IL17RC: variants seen among roughly 807,000 people sequenced by gnomAD.
IL17RC encodes the protein interleukin 17 receptor C.
A neutral mutation model predicts 86.7 loss-of-function variants in IL17RC; 53 were observed. The observed-to-expected ratio is 0.61, with a 90% CI of 0.49 to 0.77. The LOEUF is 0.77. Ranked by LOEUF, IL17RC falls within the 30% of genes least tolerant of loss-of-function variation. IL17RC has a pLI of 0.00. For synonymous variants in IL17RC, 439 were observed against 413.1 expected (o/e 1.06, Z -0.76); for missense variants, 957 against 940.0 (o/e 1.02, Z -0.24).
At chr3:9,924,368 T>C in intron 9 of IL17RC, 77 bp downstream of exon 9, 1 of 1,426,866 alleles carries the variant, frequency 7.0e-7, no homozygotes, top group Non-Finnish European at 9.8e-7. Context: ...CTTCCTGGTC[T>C]CACCATTCTT....
At position 9,917,122 on chromosome 3, in the gene IL17RC, A is replaced by G; in HGVS notation, c.-194A>G. 1.7e-6 allele frequency: 1 copy of G among 585,386 alleles called. No individual in the cohort carries two copies. Among genetic ancestry groups the G allele is most frequent in the Non-Finnish European group, 3.0e-6 (1 of 328,990 alleles). The allele number at this position is 585,386 out of a possible 1,614,324, so 36.3% of individuals were successfully genotyped here. A position where few individuals can be genotyped will look rare whatever the true frequency, so the allele number is the denominator to read the frequency against. On this transcript the variant is annotated 5_prime_UTR_variant, in exon 1 of 19. Transcript: ENST00000403601. ...CAAAACGAAAGCACTCCGTGCTGGA[A>G]GTAGGAGGAGAGTCAGGACTCCCAG... is the stretch of plus-strand genomic sequence containing the variant.
intron 12 of IL17RC, chr3:9,929,283 C>T (rs553717467): frequency 5.8e-5 from 9 of 154,888 alleles, no homozygotes; most frequent in African/African-American, 2.2e-4. Context: ...CACTGCACTC[C>T]AGCCTGGGTG....
intron 3 of IL17RC, 55 bp downstream of exon 3, chr3:9,918,130 G>A (rs1269497259): frequency 2.0e-6 from 3 of 1,527,578 alleles, no homozygotes; most frequent in Non-Finnish European, 2.7e-6. Context: ...GTCTGGGGTG[G>A]GCATGAGGGC....
In IL17RC at chr3:9,930,633, C is replaced by G; in HGVS notation, c.1338+174C>G. The stretch of plus-strand genomic sequence containing the variant: ...ACACTGTTGGCTAGACACCCATAAA[C>G]AGATAACCACACCTACAGGTGCTAA... On this transcript the variant is annotated intron_variant, in intron 15 of 18. Transcript: ENST00000403601. This position sits in a 1 kb window ranked among gnomAD's most constrained non-coding sequence, Gnocchi z 5.8. 1 of 702,876 alleles carries G rather than the reference C, an allele frequency of 1.4e-6. No individual in the cohort carries two copies. Among genetic ancestry groups the G allele is most frequent in the East Asian group, 2.7e-5 (1 of 36,884 alleles). 43.5% of individuals were successfully genotyped at this position (702,876 alleles called of 1,614,324 possible).
In IL17RC at chr3:9,924,004, G is replaced by T; in HGVS notation, c.746G>T (p.Arg249Leu). 6.2e-7 allele frequency: 1 copy of T among 1,613,816 alleles called. No individual in the cohort carries two copies. The highest frequency in any genetic ancestry group is 8.5e-7 in the Non-Finnish European group (1 of 1,180,004). The stretch of plus-strand genomic sequence containing the variant: ...CAGGTCCAGGGCCCCCCAAAACCCC[G>T]GTGGCACAAAAACCTGGTGAGGCCT... Reference protein sequence around the residue: ...WNQVQGPPKPRWHKNLTGPQI... With the variant: ...WNQVQGPPKPLWHKNLTGPQI... The change falls in exon 8 of 19, where the codon CGG becomes CTG. Residue 249 changes from arginine (R) to leucine (L), a missense_variant. Transcript: ENST00000403601.
intron 16 of IL17RC, 27 bp from the exon 17 acceptor site, chr3:9,932,581 C>T (rs948908573): frequency 1.9e-6 from 3 of 1,603,268 alleles, no homozygotes; most frequent in Non-Finnish European, 2.6e-6. Context: ...GGGTAAGTTT[C>T]TAACTCTTCT....
At position 9,932,843 on chromosome 3, in the gene IL17RC, G is replaced by T. The variant is rs1161761414; in HGVS notation, c.1507G>T (p.Asp503Tyr). Residue 503 changes from aspartate (D) to tyrosine (Y), a missense_variant, in exon 18 of 19, where the codon GAC becomes TAC. Coordinates refer to ENST00000403601, the MANE Select transcript of IL17RC (RefSeq NM_153460.4). The stretch of plus-strand genomic sequence containing the variant: ...AGGGTGGCTGAGGCTCTTGAAACAG[G>T]ACGTCCGCTCGGGGGGTGAGTGGGA... Reference protein sequence around the residue: ...AKGWLRLLKQDVRSGAAARGR... With the variant: ...AKGWLRLLKQYVRSGAAARGR... 1 of 1,564,798 alleles carries T rather than the reference G, an allele frequency of 6.4e-7. No homozygotes were observed. Among genetic ancestry groups the T allele is most frequent in the Admixed American group, 2.0e-5 (1 of 50,690 alleles).
intron 9 of IL17RC, among the ~76,000 whole-genome samples, chr3:9,927,948 C>CA (rs199498327): frequency 0.013 from 1,691 of 134,836 alleles, 16 homozygotes; most frequent in South Asian, 0.083. Flanking sequence ...GACTCTATCT[C>CA]AAAAAAAAAA....
At position 9,933,206 on chromosome 3, in the gene IL17RC, G is replaced by T; in HGVS notation, c.1776G>T (p.Trp592Cys). 6.2e-7 allele frequency: 1 copy of T among 1,608,228 alleles called. No homozygotes were observed. Among genetic ancestry groups the T allele is most frequent in the Non-Finnish European group, 8.5e-7 (1 of 1,177,984 alleles). Reference protein sequence around the residue: ...SPGAVALCSEWLQDGVSGPGA... With the variant: ...SPGAVALCSECLQDGVSGPGA... ...GTGCGGTGGCGCTGTGCAGCGAGTG[G>T]CTACAGGATGGGGTGTCCGGGCCCG... is the stretch of plus-strand genomic sequence containing the variant. Residue 592 changes from tryptophan (W) to cysteine (C), a missense_variant, in exon 19 of 19, where the codon TGG becomes TGT. Physicochemically the swap from Trp to Cys is radical, Grantham distance 215. Transcript: ENST00000403601.
At position 9,917,565 on chromosome 3, in the gene IL17RC, CG is replaced by C. The variant is rs2083187428; in HGVS notation, c.106-144del. 1 of 1,614,074 alleles carries C rather than the reference CG, an allele frequency of 6.2e-7. No homozygotes were observed. Among genetic ancestry groups the C allele is most frequent in the Non-Finnish European group, 8.5e-7 (1 of 1,180,008 alleles). The stretch of plus-strand genomic sequence containing the variant: ...TGGTGCTGATGGTAGAAGAGAAGAA[CG>C]GGGAAGGGGCAAGAGCTGGGTCTGT... On this transcript the variant is annotated intron_variant, in intron 1 of 18. Coordinates refer to ENST00000403601, the MANE Select transcript of IL17RC (RefSeq NM_153460.4).
Position 9,933,320 on chromosome 3 carries a change from G to T in IL17RC, c.1890G>T (p.Val630=). The T allele has an allele frequency of 6.2e-7, 1 of 1,607,964 alleles. No individual in the cohort carries two copies. The highest frequency in any genetic ancestry group is 8.5e-7 in the Non-Finnish European group (1 of 1,177,386). ...FLQGRAPGSY[V]GACFDRLLHP... The stretch of plus-strand genomic sequence containing the variant: ...AGGGCCGGGCGCCCGGCAGCTACGT[G>T]GGGGCCTGCTTCGACAGGCTGCTCC... Residue 630 remains valine (V), a synonymous_variant, in exon 19 of 19, where the codon GTG becomes GTT. Coordinates refer to ENST00000403601, the MANE Select transcript of IL17RC (RefSeq NM_153460.4).
chr3:9,921,952 C>CT (rs35608782), intron 7 of IL17RC, among the ~76,000 whole-genome samples: 42,458 of 88,212 alleles, frequency 0.48, 11,387 homozygotes, highest in Non-Finnish European at 0.55. Flanking sequence ...ATGTCCAGTT[C>CT]TTTTTTTTTT....
At chr3:9,919,603 G>A (rs1037871666) in intron 5 of IL17RC, among the ~76,000 whole-genome samples, 4 of 152,016 alleles carry the variant, frequency 2.6e-5, no homozygotes, top group East Asian at 1.9e-4. Context: ...CCGAGATCGC[G>A]CCACTGCACT....
intron 5 of IL17RC, 183 bp from the exon 6 acceptor site, chr3:9,920,308 G>C (rs2083435218): frequency 1.7e-6 from 1 of 572,828 alleles, no homozygotes. Flanking sequence ...GAGGACATTT[G>C]CTTTAGAATT....
Position 9,933,329 on chromosome 3 carries a change from C to T in IL17RC, c.1899C>T (p.Cys633=), listed in dbSNP as rs1348125577. Residue 633 remains cysteine (C), a synonymous_variant, in exon 19 of 19, where the codon TGC becomes TGT. Coordinates refer to ENST00000403601, the MANE Select transcript of IL17RC (RefSeq NM_153460.4). The part of the protein sequence containing the change: ...GRAPGSYVGA[C]FDRLLHPDAV... Reference sequence around the variant, plus strand: ...CGCCCGGCAGCTACGTGGGGGCCTGCTTCGACAGGCTGCTCCACCCGGACG... The same window carrying T: ...CGCCCGGCAGCTACGTGGGGGCCTGTTTCGACAGGCTGCTCCACCCGGACG... 1.2e-6 allele frequency: 2 copies of T among 1,609,036 alleles called. No individual in the cohort carries two copies. The highest frequency in any genetic ancestry group is 2.7e-5 in the African/African-American group (2 of 74,848).
intron 16 of IL17RC, 93 bp from the exon 17 acceptor site, chr3:9,932,515 C>T: frequency 8.5e-7 from 1 of 1,183,416 alleles, no homozygotes; most frequent in Non-Finnish European, 1.3e-6. Flanking sequence ...AAGGCATGAG[C>T]CACCGCACCC....
intron 7 of IL17RC, among the ~76,000 whole-genome samples, chr3:9,921,211 T>C (rs546107116): frequency 6.6e-6 from 1 of 152,284 alleles, no homozygotes; most frequent in South Asian, 2.1e-4. Flanking sequence ...TCCCAGAACT[T>C]TGGGAGGCCG....
Position 9,930,379 on chromosome 3 carries a change from C to G in IL17RC, c.1279-21C>G. 1 of 1,613,796 alleles carries G rather than the reference C, an allele frequency of 6.2e-7. No homozygotes were observed. Among genetic ancestry groups the G allele is most frequent in the East Asian group, 2.2e-5 (1 of 44,884 alleles). ...GGGTGCTACCTCCAGGTAACAGTGC[C>G]CCCATCCTTTGGCTTGGCAGAGGGC... On this transcript the variant is annotated intron_variant, in intron 14 of 18. Transcript: ENST00000403601. This position sits in a 1 kb window ranked among gnomAD's most constrained non-coding sequence, Gnocchi z 5.8.
rs750362517 is a variant in IL17RC at position 9,930,974 on chromosome 3, T to G, written c.1387+31T>G. On this transcript the variant is annotated intron_variant, in intron 16 of 18. Coordinates refer to ENST00000403601, the MANE Select transcript of IL17RC (RefSeq NM_153460.4). The surrounding 1 kb of genome is among the most constrained non-coding windows in gnomAD (Gnocchi z 5.8). ...TATTGTAAGAACTGCCTTTCCTTTC[T>G]GTACCAGGAGTGGGGATCTTGACAG... 1.9e-6 allele frequency: 3 copies of G among 1,595,832 alleles called. No homozygotes were observed. The African/African-American group carries it at 4.0e-5, about 21-fold the overall frequency.
Sources: allele counts gnomAD v4.1 joint callset (sites outside exome capture counted in the v4.1 genomes callset), GRCh38; gene constraint gnomAD v4.1.1; non-coding constraint Gnocchi (gnomAD v3.1); transcripts MANE v1.5; gene names NCBI Gene and HGNC (gene_info 2026-07-23, HGNC 2026-07-21).